RNASET2: variants seen among roughly 807,000 people sequenced by gnomAD.
RNASET2 encodes ribonuclease T2, also known as ribonuclease 6.
RNASET2 carries 28 observed loss-of-function variants against 33.9 expected under a neutral mutation model. The ratio of observed to expected loss-of-function variants is 0.83; its 90% confidence interval spans 0.61 to 1.13. The LOEUF (loss-of-function observed/expected upper bound fraction) is 1.13. Ranked by LOEUF, RNASET2 falls within the 50% of genes most tolerant of loss-of-function variation. The pLI is 0.00. For missense variants in RNASET2, 330 were observed against 319.9 expected (o/e 1.03, Z -0.24); for synonymous variants, 123 against 121.0 (o/e 1.02, Z -0.11).
chr6:166,945,008 G>A (rs1480930526), intron 4 of RNASET2: 1 of 54,672 alleles, frequency 1.8e-5, no homozygotes, highest in African/African-American at 7.8e-5. Context: ...ACCCACCCAC[G>A]TCCACACCTG....
At chr6:166,931,552 A>C (rs1778441208) in intron 7 of RNASET2, 1 of 216,396 alleles carries the variant, frequency 4.6e-6, no homozygotes, top group African/African-American at 2.3e-5. Flanking sequence ...CACGGTGGAC[A>C]CATTCTCCTT....
At position 166,949,500 on chromosome 6, in the gene RNASET2, CAAAAAAAAAAA is replaced by C. The variant is rs61621125; in HGVS notation, c.148-886_148-876del. Among the ~76,000 whole-genome samples the C allele has an allele frequency of 2.3e-4, 10 of 44,410 alleles. No homozygotes were observed. The East Asian group carries it at 4.1e-3, about 18-fold the overall frequency. The allele number at this position is 44,410 out of a possible 152,430, so 29.1% of individuals were successfully genotyped here. A position where few individuals can be genotyped will look rare whatever the true frequency, so the allele number is the denominator to read the frequency against. On this transcript the variant is annotated intron_variant, in intron 2 of 8. Transcript: ENST00000508775. ...TGGGTGATAGAGCAAGACTCCATCT[CAAAAAAAAAAA>C]AAAAAAAAAAAAAAGAAAGAAATGA... is the stretch of plus-strand genomic sequence containing the variant.
chr6:166,930,743 TACACACATGC>T (rs1002104261), intron 8 of RNASET2, among the ~76,000 whole-genome samples: 9 of 142,524 alleles, frequency 6.3e-5, no homozygotes, highest in Admixed American at 5.0e-4. Flanking sequence ...CCACATAATG[TACACACATGC>T]ACACACAGGA....
rs777889682 is a variant in RNASET2, at chr6:166,930,052, GCCTGGTGC to G, written c.568-269_568-262del. The stretch of plus-strand genomic sequence containing the variant: ...ATCCCCTGGTCACCACCAGAGGCCA[GCCTGGTGC>G]CCTGGTGAAAAGCCTCTGCTTTTAT... On this transcript the variant is annotated intron_variant, in intron 8 of 8. Transcript: ENST00000508775. 7.9e-5 allele frequency among the ~76,000 whole-genome samples: 12 copies of G among 152,306 alleles called. No individual in the cohort carries two copies. The South Asian group carries it at 1.0e-3, about 13-fold the overall frequency.
chr6:166,948,716 G>C, intron 2 of RNASET2, 91 bp from the exon 3 acceptor site: 1 of 797,988 alleles, frequency 1.3e-6, no homozygotes, highest in Non-Finnish European at 2.2e-6. Context: ...GCAGCTAGTT[G>C]CAACATATGC....
At chr6:166,955,791 C>T in intron 1 of RNASET2, 1 of 984,106 alleles carries the variant, frequency 1.0e-6, no homozygotes, top group Non-Finnish European at 1.2e-6. Flanking sequence ...CCCCAACCCA[C>T]TCCTTCCCAG....
intron 6 of RNASET2, chr6:166,935,152 C>T (rs963235583): frequency 1.3e-5 from 2 of 152,044 alleles, no homozygotes; most frequent in Non-Finnish European, 2.9e-5. Context: ...GGCCCGAACC[C>T]ACAGGACCTC....
intron 2 of RNASET2, among the ~76,000 whole-genome samples, chr6:166,951,307 C>T (rs2128647313): frequency 6.6e-6 from 1 of 152,354 alleles, no homozygotes; most frequent in South Asian, 2.1e-4. Flanking sequence ...AGTGAAACAG[C>T]AGTGTGACTG....
chr6:166,952,316 G>A (rs1156843711), intron 2 of RNASET2, among the ~76,000 whole-genome samples, 172 bp downstream of exon 2: 1 of 152,226 alleles, frequency 6.6e-6, no homozygotes, highest in African/African-American at 2.4e-5. Flanking sequence ...GCCCTGGGAA[G>A]CTCACACACA....
intron 7 of RNASET2, 82 bp downstream of exon 7, chr6:166,934,008 GC>G (rs1052929423): frequency 1.1e-6 from 1 of 944,048 alleles, no homozygotes; most frequent in African/African-American, 1.6e-5. Flanking sequence ...GCAATTTACA[GC>G]CCATTGACTC....
chr6:166,930,488 TGCCCACACAGCAC>T (rs1778394802), intron 8 of RNASET2, among the ~76,000 whole-genome samples: 1 of 144,268 alleles, frequency 6.9e-6, no homozygotes, highest in Non-Finnish European at 1.5e-5. Flanking sequence ...CACACGCACA[TGCCCACACAGCAC>T]GTTCACATGC....
In RNASET2 at chr6:166,929,436, C is replaced by T. The variant is rs1449901368; in HGVS notation, c.*152G>A. 5.0e-6 allele frequency: 4 copies of T among 806,086 alleles called. No homozygotes were observed. The Admixed American group carries it at 5.6e-5, about 11-fold the overall frequency. The allele number at this position is 806,086 out of a possible 1,614,324, so 49.9% of individuals were successfully genotyped here. A position where few individuals can be genotyped will look rare whatever the true frequency, so the allele number is the denominator to read the frequency against. ...CCTTTCTCCCCGTGTACGCCACATG[C>T]ACTCACTCTACAGGGACCACAACAT... On this transcript the variant is annotated 3_prime_UTR_variant, in exon 9 of 9. Coordinates refer to ENST00000508775, the MANE Select transcript of RNASET2 (RefSeq NM_003730.6).
intron 5 of RNASET2, among the ~76,000 whole-genome samples, chr6:166,940,400 G>A (rs1297102943): frequency 1.3e-5 from 2 of 152,178 alleles, no homozygotes; most frequent in African/African-American, 4.8e-5. Flanking sequence ...AAACAGGAAC[G>A]ATGAAAGTGG....
intron 6 of RNASET2, among the ~76,000 whole-genome samples, chr6:166,936,246 G>A (rs1331685735): frequency 1.3e-5 from 2 of 152,220 alleles, no homozygotes; most frequent in Admixed American, 6.5e-5. Context: ...ATGAATGAAT[G>A]AATGAATGGA....
intron 1 of RNASET2, 117 bp downstream of exon 1, chr6:166,955,980 C>A (rs748303918): frequency 1.6e-4 from 187 of 1,186,172 alleles, no homozygotes; most frequent in Non-Finnish European, 2.1e-4. Flanking sequence ...CCCCGCCCTC[C>A]CCAGTCGCTG....
chr6:166,950,643 C>G (rs1253600308), intron 2 of RNASET2, among the ~76,000 whole-genome samples: 1 of 152,180 alleles, frequency 6.6e-6, no homozygotes, highest in African/African-American at 2.4e-5. Context: ...CAGGGTACGC[C>G]CTGAGGTGCA....
chr6:166,929,478 G>C lies in RNASET2; in HGVS notation c.*110C>G, dbSNP rs962775844. 5 of 1,139,348 alleles carry C rather than the reference G, an allele frequency of 4.4e-6. No individual in the cohort carries two copies. The East Asian group carries it at 1.2e-4, about 27-fold the overall frequency. 70.6% of individuals were successfully genotyped at this position (1,139,348 alleles called of 1,614,324 possible). On this transcript the variant is annotated 3_prime_UTR_variant, in exon 9 of 9. Transcript: ENST00000508775. The stretch of plus-strand genomic sequence containing the variant: ...CCACAACATCCAATTCACAGGCATG[G>C]AGGGGAAACAGCAAAATAAACAGAC...
At chr6:166,932,130 G>A (rs942337199) in intron 7 of RNASET2, 1 of 152,746 alleles carries the variant, frequency 6.5e-6, no homozygotes, top group Admixed American at 6.5e-5. Context: ...ATGGAGGCCT[G>A]AGGCAGGACC....
intron 1 of RNASET2, chr6:166,952,962 G>T: frequency 5.0e-6 from 1 of 201,706 alleles, no homozygotes; most frequent in South Asian, 8.2e-5. Flanking sequence ...CTGAAACCTG[G>T]TAGTTTTTTG....
Sources: gnomAD v4.1 joint callset for allele counts (sites outside exome capture counted in the v4.1 genomes callset) on GRCh38, gnomAD v4.1.1 for gene constraint, MANE v1.5 for transcripts, NCBI Gene and HGNC (gene_info 2026-07-23, HGNC 2026-07-21) for gene names.